PTPN3: variants seen among roughly 807,000 people sequenced by gnomAD.
The protein encoded by PTPN3 is protein tyrosine phosphatase non-receptor type 3.
PTPN3 carries 96 observed loss-of-function variants against 132.7 expected under a neutral mutation model. The observed-to-expected ratio is 0.72, with a 90% confidence interval of 0.61 to 0.86. PTPN3 has a LOEUF of 0.86. Among genes scored for constraint, PTPN3 ranks in the 40% least tolerant of loss-of-function variants. The probability of loss-of-function intolerance (pLI) is 0.00; values close to 1 mark genes in which losing one functional copy is unlikely to be tolerated. For synonymous variants in PTPN3, 398 were observed against 429.0 expected (o/e 0.93, Z 0.89); for missense variants, 1,125 against 1,159.6 (o/e 0.97, Z 0.43).
chr9:109,478,228 A>G (rs1846782831), intron 1 of PTPN3, among the ~76,000 whole-genome samples: 1 of 152,234 alleles, frequency 6.6e-6, no homozygotes, highest in Non-Finnish European at 1.5e-5. Context: ...TGATGTGCTC[A>G]GGTTGAACAA....
intron 1 of PTPN3, among the ~76,000 whole-genome samples, chr9:109,492,139 C>T (rs1847490424): frequency 6.6e-6 from 1 of 152,196 alleles, no homozygotes; most frequent in Admixed American, 6.5e-5. Context: ...GAAGACTGAG[C>T]TCAGAGGCCA....
At chr9:109,449,068 G>A in intron 5 of PTPN3, 2 of 1,374,470 alleles carry the variant, frequency 1.5e-6, no homozygotes, top group Non-Finnish European at 1.9e-6. Flanking sequence ...GTCTTGACTG[G>A]TGGGGGCAAT....
At chr9:109,481,998 C>T (rs940016761) in intron 1 of PTPN3, among the ~76,000 whole-genome samples, 1 of 152,212 alleles carries the variant, frequency 6.6e-6, no homozygotes, top group Admixed American at 6.5e-5. Context: ...GCAGCTGCTC[C>T]CCTGCTGATC....
At chr9:109,453,438 AGTTT>A (rs1265925516) in intron 5 of PTPN3, among the ~76,000 whole-genome samples, 1 of 152,192 alleles carries the variant, frequency 6.6e-6, no homozygotes, top group South Asian at 2.1e-4. Context: ...GGGGAGGGAA[AGTTT>A]GTTTGTGCAG....
chr9:109,408,818 T>TATATAC (rs1841818767), intron 16 of PTPN3, among the ~76,000 whole-genome samples: 1 of 129,674 alleles, frequency 7.7e-6, no homozygotes, highest in Non-Finnish European at 1.7e-5. Flanking sequence ...TATATATATA[T>TATATAC]GGGCTTTATA....
At chr9:109,522,134 A>G in the PTPN3 span, among the ~76,000 whole-genome samples, 1 of 152,216 alleles carries the variant, frequency 6.6e-6, no homozygotes, top group Non-Finnish European at 1.5e-5. Flanking sequence ...GACCATCAGC[A>G]TTAACCGCAC....
At chr9:109,384,564 T>G (rs1839406369) in intron 22 of PTPN3, among the ~76,000 whole-genome samples, 1 of 152,214 alleles carries the variant, frequency 6.6e-6, no homozygotes, top group Non-Finnish European at 1.5e-5. Flanking sequence ...AACCTGCAAC[T>G]TGTCCTGTAA....
At chr9:109,468,054 T>G (rs891931972) in intron 1 of PTPN3, among the ~76,000 whole-genome samples, 2 of 152,196 alleles carry the variant, frequency 1.3e-5, no homozygotes, top group African/African-American at 4.8e-5. Context: ...CAGATTGTCT[T>G]GAAATTACAT....
At chr9:109,460,003 T>C (rs7027469) in intron 2 of PTPN3, among the ~76,000 whole-genome samples, 49,251 of 151,850 alleles carry the variant, frequency 0.32, 8,697 homozygotes, top group African/African-American at 0.43. Context: ...ATCCCCAGCC[T>C]GGACCCATCC....
At chr9:109,483,354 C>T (rs1847054262) in intron 1 of PTPN3, among the ~76,000 whole-genome samples, 1 of 152,224 alleles carries the variant, frequency 6.6e-6, no homozygotes, top group African/African-American at 2.4e-5. Flanking sequence ...TGATCACAGG[C>T]TTTACTCATT....
At chr9:109,471,635 G>A (rs1846386658) in intron 1 of PTPN3, among the ~76,000 whole-genome samples, 1 of 150,806 alleles carries the variant, frequency 6.6e-6, no homozygotes. Context: ...ATCCAAATCA[G>A]GATCATGCCT....
At chr9:109,438,889 C>T (rs1346635704) in intron 7 of PTPN3, among the ~76,000 whole-genome samples, 2 of 152,124 alleles carry the variant, frequency 1.3e-5, no homozygotes, top group Non-Finnish European at 2.9e-5. Flanking sequence ...AAGACACATT[C>T]TAAGGGGAGT....
intron 7 of PTPN3, among the ~76,000 whole-genome samples, chr9:109,440,631 T>A (rs1844391308): frequency 6.6e-6 from 1 of 152,254 alleles, no homozygotes; most frequent in Non-Finnish European, 1.5e-5. Flanking sequence ...TGACTTTTCC[T>A]GATCCTCAAG....
At chr9:109,395,859 T>A (rs1291927729) in intron 19 of PTPN3, among the ~76,000 whole-genome samples, 4 of 143,534 alleles carry the variant, frequency 2.8e-5, no homozygotes, top group Non-Finnish European at 6.2e-5. Context: ...TTCCTATTTT[T>A]TTTTTTTTTT....
rs1845198384 is a variant in PTPN3 at position 109,450,905 on chromosome 9, C to T, written c.369-2050G>A. The T allele has an allele frequency of 9.1e-6, 9 of 985,280 alleles. No homozygotes were observed. The South Asian group carries it at 3.8e-4, about 41-fold the overall frequency. The allele number at this position is 985,280 out of a possible 1,614,324, so 61.0% of individuals were successfully genotyped here. A position where few individuals can be genotyped will look rare whatever the true frequency, so the allele number is the denominator to read the frequency against. On this transcript the variant is annotated intron_variant, in intron 5 of 25. Transcript: ENST00000374541. ...AAAACTAACAGATACCACCTCTATA[C>T]ATCTTCTTTGACTCTTGAGAGCTAA...
the PTPN3 span, among the ~76,000 whole-genome samples, chr9:109,526,589 C>A: frequency 4.6e-5 from 7 of 152,158 alleles, no homozygotes; most frequent in African/African-American, 1.4e-4. Flanking sequence ...GCAGGAGGAT[C>A]CCTTGAGCCC....
At chr9:109,467,567 T>C (rs1462925322) in intron 1 of PTPN3, among the ~76,000 whole-genome samples, 6 of 152,196 alleles carry the variant, frequency 3.9e-5, no homozygotes, top group Admixed American at 6.5e-5. Context: ...GAATTCACTG[T>C]GTGTGATAAG....
At chr9:109,535,589 T>C in the PTPN3 span, among the ~76,000 whole-genome samples, 81,800 of 151,822 alleles carry the variant, frequency 0.54, 23,261 homozygotes, top group East Asian at 0.85. Flanking sequence ...CTCATTGCAG[T>C]CTCCGCCTCC....
chr9:109,490,197 A>C (rs1347583618), intron 1 of PTPN3, among the ~76,000 whole-genome samples: 1 of 151,890 alleles, frequency 6.6e-6, no homozygotes, highest in Non-Finnish European at 1.5e-5. Flanking sequence ...AAAACAAAAC[A>C]AAAACAAAAC....
Sources: allele counts gnomAD v4.1 joint callset (sites outside exome capture counted in the v4.1 genomes callset), GRCh38; gene constraint gnomAD v4.1.1; transcripts MANE v1.5; gene names NCBI Gene and HGNC (gene_info 2026-07-23, HGNC 2026-07-21).